Variants in MALRD1 observed in about 807,000 individuals in gnomAD.
MALRD1 encodes MAM and LDL receptor class A domain containing 1.
A neutral mutation model predicts 242.1 loss-of-function variants in MALRD1; 247 were observed. The observed-to-expected ratio is 1.02, with a 90% confidence interval of 0.92 to 1.13. The LOEUF (loss-of-function observed/expected upper bound fraction) is 1.13, where lower values mean the gene tolerates loss of function less well. Among genes scored for constraint, MALRD1 ranks in the 50% most tolerant of loss-of-function variants. The probability of loss-of-function intolerance (pLI) is 0.00; values close to 1 mark genes in which losing one functional copy is unlikely to be tolerated. For synonymous variants in MALRD1, 995 were observed against 866.6 expected, an observed-to-expected ratio of 1.15 and a Z score of -2.60; for missense variants, 2,989 against 2,533.1, an observed-to-expected ratio of 1.18 and a Z score of -3.86.
At chr10:19,519,076 A>G (rs978174565) in intron 31 of MALRD1, among the ~76,000 whole-genome samples, 2 of 152,108 alleles carry the variant, frequency 1.3e-5, no homozygotes, top group Non-Finnish European at 2.9e-5. Flanking sequence ...CCCTAGAAAT[A>G]TCCTCTTCAT....
At position 19,108,401 on chromosome 10, in the gene MALRD1, T is replaced by A. The variant is rs1215783973; in HGVS notation, c.694+4326T>A. Among the ~76,000 whole-genome samples, 33 of 14,678 alleles carry A rather than the reference T, an allele frequency of 2.2e-3. 1 individual carries two copies. The highest frequency in any genetic ancestry group is 0.056 in the Middle Eastern group (1 of 18). 9.6% of individuals were successfully genotyped at this position (14,678 alleles called of 152,430 possible). A position where few individuals can be genotyped will look rare whatever the true frequency, so the allele number is the denominator to read the frequency against. On this transcript the variant is annotated intron_variant, in intron 5 of 39. Coordinates refer to ENST00000454679, the MANE Select transcript of MALRD1 (RefSeq NM_001142308.3). The stretch of plus-strand genomic sequence containing the variant: ...AATTGTTTTTTCTTTTTTTTTTTTT[T>A]TTTTTTTTTTTTTTTTTTTTTTTTA...
intron 36 of MALRD1, among the ~76,000 whole-genome samples, chr10:19,650,683 A>T (rs1840835945): frequency 6.6e-6 from 1 of 152,202 alleles, no homozygotes; most frequent in Non-Finnish European, 1.5e-5. Context: ...TCTCAATTAT[A>T]GGGAGGTGTA....
intron 2 of MALRD1, among the ~76,000 whole-genome samples, chr10:19,070,159 A>G (rs1252499265): frequency 6.6e-6 from 1 of 152,172 alleles, no homozygotes; most frequent in Non-Finnish European, 1.5e-5. Context: ...ATTTAAAAAG[A>G]AATCAAGTAC....
intron 24 of MALRD1, among the ~76,000 whole-genome samples, chr10:19,346,073 C>G (rs558758520): frequency 6.6e-6 from 1 of 152,078 alleles, no homozygotes; most frequent in East Asian, 1.9e-4. Flanking sequence ...GGGTGAAGCA[C>G]TCCACCCAGC....
intron 31 of MALRD1, among the ~76,000 whole-genome samples, chr10:19,515,998 G>T (rs926036442): frequency 2.6e-5 from 4 of 152,142 alleles, no homozygotes; most frequent in Non-Finnish European, 1.5e-5. Context: ...TACTTATGAA[G>T]ATGAGACGTT....
chr10:19,185,814 A>AGT (rs5783657), intron 14 of MALRD1, among the ~76,000 whole-genome samples: 1,782 of 148,358 alleles, frequency 0.012, 17 homozygotes, highest in African/African-American at 0.027. Context: ...GTTTTGAGAT[A>AGT]GTGTGTGTGT....
chr10:19,125,046 A>G (rs890422310), intron 7 of MALRD1, among the ~76,000 whole-genome samples: 3 of 137,202 alleles, frequency 2.2e-5, no homozygotes, highest in African/African-American at 8.2e-5. Flanking sequence ...CCTGGGTTCA[A>G]GTGATTCTCC....
In MALRD1 at chr10:19,146,305, C is replaced by G. The variant is rs777474609; in HGVS notation, c.1519C>G (p.His507Asp). Residue 507 changes from histidine (H) to aspartate (D), a missense_variant, in exon 11 of 40, where the codon CAC (histidine) becomes GAC (aspartate). His to Asp is a moderately conservative substitution (Grantham distance 81, BLOSUM62 -1). Coordinates refer to ENST00000454679, the MANE Select transcript of MALRD1 (RefSeq NM_001142308.3). ...LMKGLNNGEH[H>D]FPAADHTANI... The stretch of plus-strand genomic sequence containing the variant: ...GAAAGGATTGAATAATGGAGAGCAC[C>G]ACTTTCCTGCAGCTGATCACACAGC... 6 of 1,231,550 alleles carry G rather than the reference C, an allele frequency of 4.9e-6. No individual in the cohort carries two copies. Among genetic ancestry groups the G allele is most frequent in the Non-Finnish European group, 6.1e-6 (6 of 987,862 alleles). 76.3% of individuals were successfully genotyped at this position (1,231,550 alleles called of 1,614,324 possible). A position where few individuals can be genotyped will look rare whatever the true frequency, so the allele number is the denominator to read the frequency against.
At chr10:19,345,962 A>G (rs532688950) in intron 24 of MALRD1, among the ~76,000 whole-genome samples, 1 of 152,098 alleles carries the variant, frequency 6.6e-6, no homozygotes, top group African/African-American at 2.4e-5. Flanking sequence ...TAATTTAATT[A>G]TTTGTAGAGA....
intron 32 of MALRD1, among the ~76,000 whole-genome samples, chr10:19,537,702 G>A (rs987174380): frequency 2.6e-5 from 4 of 152,126 alleles, no homozygotes; most frequent in African/African-American, 9.7e-5. Context: ...ATAGCTACCT[G>A]TGTTGTTTGT....
intron 12 of MALRD1, among the ~76,000 whole-genome samples, chr10:19,156,176 G>A (rs932456345): frequency 2.0e-5 from 3 of 152,130 alleles, no homozygotes; most frequent in Non-Finnish European, 4.4e-5. Context: ...ATATTATTCC[G>A]AGGTATAAAC....
intron 4 of MALRD1, among the ~76,000 whole-genome samples, chr10:19,099,067 G>T (rs963936242): frequency 6.6e-6 from 1 of 152,088 alleles, no homozygotes; most frequent in Non-Finnish European, 1.5e-5. Context: ...CATGTTGCCC[G>T]TTTCTTTACT....
chr10:19,206,233 A>T (rs11008939), intron 17 of MALRD1, among the ~76,000 whole-genome samples: 1 of 151,166 alleles, frequency 6.6e-6, no homozygotes, highest in Non-Finnish European at 1.5e-5. Context: ...ATTTCCATAT[A>T]CATCATCGTA....
At chr10:19,509,956 A>G (rs1833322099) in intron 31 of MALRD1, among the ~76,000 whole-genome samples, 1 of 152,178 alleles carries the variant, frequency 6.6e-6, no homozygotes. Flanking sequence ...GATCCGCTCC[A>G]GCACCAGTCT....
At chr10:19,320,636 G>A (rs932204769) in intron 21 of MALRD1, among the ~76,000 whole-genome samples, 9 of 152,072 alleles carry the variant, frequency 5.9e-5, no homozygotes, top group Non-Finnish European at 1.3e-4. Context: ...GATCCTTGAG[G>A]AATTGCTACA....
chr10:19,731,513 T>C (rs537221203), intron 39 of MALRD1, among the ~76,000 whole-genome samples: 4 of 152,022 alleles, frequency 2.6e-5, no homozygotes, highest in Non-Finnish European at 5.9e-5. Context: ...TGTGTGTGTG[T>C]GTGTGTGCTG....
At chr10:19,127,951 C>T (rs1180046365) in intron 7 of MALRD1, among the ~76,000 whole-genome samples, 1 of 151,924 alleles carries the variant, frequency 6.6e-6, no homozygotes, top group Non-Finnish European at 1.5e-5. Flanking sequence ...ATGTAGGTTT[C>T]TTTTATAGGA....
At chr10:19,257,352 C>A (rs551203158) in intron 18 of MALRD1, among the ~76,000 whole-genome samples, 1 of 152,150 alleles carries the variant, frequency 6.6e-6, no homozygotes. Context: ...CTTAAAGGAC[C>A]AGAAGGGAAC....
intron 32 of MALRD1, among the ~76,000 whole-genome samples, chr10:19,563,890 G>T (rs929670044): frequency 1.3e-5 from 2 of 151,148 alleles, no homozygotes; most frequent in African/African-American, 4.9e-5. Context: ...ATGGCTGATA[G>T]TGAGTTCTCA....
Sources: gnomAD v4.1 joint callset for allele counts (sites outside exome capture counted in the v4.1 genomes callset) on GRCh38, gnomAD v4.1.1 for gene constraint, MANE v1.5 for transcripts, NCBI Gene and HGNC (gene_info 2026-07-23, HGNC 2026-07-21) for gene names.